GRID2: variants seen among roughly 807,000 people sequenced by gnomAD.
GRID2 encodes glutamate receptor ionotropic, delta-2.
GRID2 carries 33 observed loss-of-function variants against 114.8 expected under a neutral mutation model. The observed-to-expected ratio is 0.29, with a 90% CI of 0.22 to 0.38. The LOEUF (loss-of-function observed/expected upper bound fraction) is 0.38. GRID2 is among the 10% of genes least tolerant of loss of function. The pLI, the probability that GRID2 is intolerant of heterozygous loss-of-function variation, is 1.00. For missense variants in GRID2, 1,184 were observed against 1,257.7 expected, an observed-to-expected ratio of 0.94 and a Z score of 0.89; for synonymous variants, 505 against 449.9, an observed-to-expected ratio of 1.12 and a Z score of -1.55.
intron 8 of GRID2, among the ~76,000 whole-genome samples, chr4:93,302,851 C>A (rs930454908): frequency 1.3e-5 from 2 of 152,118 alleles, no homozygotes; most frequent in African/African-American, 2.4e-5. Flanking sequence ...TTCTGTAGAG[C>A]CTGGGCTTTT....
chr4:93,095,104 AAC>A (rs1169015844), intron 3 of GRID2, among the ~76,000 whole-genome samples: 1 of 152,052 alleles, frequency 6.6e-6, no homozygotes, highest in South Asian at 2.1e-4. Context: ...ATTTTGATAA[AAC>A]ACTAGCAAGA....
At chr4:92,431,421 G>A (rs1431102432) in intron 1 of GRID2, among the ~76,000 whole-genome samples, 1 of 151,976 alleles carries the variant, frequency 6.6e-6, no homozygotes, top group African/African-American at 2.4e-5. Flanking sequence ...TGCAAATGTT[G>A]AATCATCCTT....
intron 1 of GRID2, among the ~76,000 whole-genome samples, chr4:92,433,125 A>G (rs1732547577): frequency 6.6e-6 from 1 of 152,044 alleles, no homozygotes; most frequent in Non-Finnish European, 1.5e-5. Flanking sequence ...CCAAGTTCCA[A>G]GACGAAATCC....
intron 8 of GRID2, among the ~76,000 whole-genome samples, chr4:93,299,650 T>A (rs1327933102): frequency 6.6e-6 from 1 of 151,928 alleles, no homozygotes; most frequent in Non-Finnish European, 1.5e-5. Flanking sequence ...TGTATACATA[T>A]GTAACAAACC....
At chr4:93,502,035 G>T (rs1728163745) in intron 12 of GRID2, among the ~76,000 whole-genome samples, 1 of 151,934 alleles carries the variant, frequency 6.6e-6, no homozygotes, top group Non-Finnish European at 1.5e-5. Flanking sequence ...AAGAACCTAT[G>T]CTTGGAGTAT....
chr4:92,761,539 T>C (rs1015712501), intron 2 of GRID2, among the ~76,000 whole-genome samples: 1 of 152,184 alleles, frequency 6.6e-6, no homozygotes, highest in Non-Finnish European at 1.5e-5. Flanking sequence ...TGACCAAATA[T>C]TTTGTGTCTA....
intron 1 of GRID2, among the ~76,000 whole-genome samples, chr4:92,432,708 A>G (rs941771938): frequency 6.6e-6 from 1 of 152,000 alleles, no homozygotes; most frequent in African/African-American, 2.4e-5. Flanking sequence ...GGAATCAGGA[A>G]CCCCATGAGC....
chr4:92,643,762 A>G (rs1432581986), intron 2 of GRID2, among the ~76,000 whole-genome samples: 3 of 151,690 alleles, frequency 2.0e-5, no homozygotes, highest in Admixed American at 6.6e-5. Flanking sequence ...ACCTGGCCAA[A>G]TTTAAAAAAA....
intron 1 of GRID2, among the ~76,000 whole-genome samples, chr4:92,410,149 C>G (rs1731226244): frequency 6.6e-6 from 1 of 152,192 alleles, no homozygotes; most frequent in African/African-American, 2.4e-5. Context: ...GGACACCCAA[C>G]ATGACTTTCC....
chr4:93,137,966 G>GTTTTTTTTTTTTTTT, intron 4 of GRID2, among the ~76,000 whole-genome samples: 1 of 78,380 alleles, frequency 1.3e-5, no homozygotes, highest in Non-Finnish European at 2.4e-5. Context: ...TTTTTTCTTC[G>GTTTTTTTTTTTTTTT]TTTTTTTTTT....
At chr4:92,986,118 T>A in intron 2 of GRID2, among the ~76,000 whole-genome samples, 1 of 152,182 alleles carries the variant, frequency 6.6e-6, no homozygotes, top group East Asian at 1.9e-4. Flanking sequence ...GAATCTGGTT[T>A]GCATTGATCA....
At chr4:92,907,752 G>A (rs1157223809) in intron 2 of GRID2, among the ~76,000 whole-genome samples, 5 of 152,072 alleles carry the variant, frequency 3.3e-5, no homozygotes, top group Admixed American at 1.3e-4. Context: ...AGCTGGGCAC[G>A]GTGGCTCATA....
At chr4:93,119,145 G>A (rs1489373274) in intron 4 of GRID2, among the ~76,000 whole-genome samples, 2 of 151,958 alleles carry the variant, frequency 1.3e-5, no homozygotes, top group Non-Finnish European at 2.9e-5. Context: ...TACACTTAGT[G>A]CTCCACCTCT....
intron 8 of GRID2, among the ~76,000 whole-genome samples, chr4:93,332,119 G>A (rs539831667): frequency 2.6e-5 from 4 of 152,122 alleles, no homozygotes; most frequent in South Asian, 4.2e-4. Flanking sequence ...CCACTTCAAC[G>A]ATAGTAACTA....
rs372025683 is a variant in GRID2 at position 92,802,826 on chromosome 4, G to A, written c.244+212540G>A. On this transcript the variant is annotated intron_variant, in intron 2 of 15. Transcript: ENST00000282020. ...ATGTTGCTGATTGTGTTATTACCAG[G>A]CCTCTTCATTCCAATGGGAGGAGGT... Among the ~76,000 whole-genome samples, 11 of 152,032 alleles carry A rather than the reference G, an allele frequency of 7.2e-5. No homozygotes were observed. The East Asian group carries it at 7.8e-4, about 11-fold the overall frequency.
At chr4:93,458,374 G>A (rs1560640552) in intron 11 of GRID2, among the ~76,000 whole-genome samples, 1 of 152,174 alleles carries the variant, frequency 6.6e-6, no homozygotes, top group East Asian at 1.9e-4. Flanking sequence ...CCAAAGGCTT[G>A]TTCATTTCAC....
chr4:93,586,810 C>T (rs1737579259), intron 13 of GRID2, among the ~76,000 whole-genome samples: 1 of 152,088 alleles, frequency 6.6e-6, no homozygotes, highest in Non-Finnish European at 1.5e-5. Flanking sequence ...TGCTCAGATG[C>T]TGATCTTCCC....
At chr4:93,347,960 GT>G (rs931695207) in intron 8 of GRID2, among the ~76,000 whole-genome samples, 1 of 152,000 alleles carries the variant, frequency 6.6e-6, no homozygotes, top group Non-Finnish European at 1.5e-5. Context: ...GGTCAGTGAC[GT>G]TTTTGGGGAG....
At chr4:92,436,135 C>T (rs1010966848) in intron 1 of GRID2, among the ~76,000 whole-genome samples, 14 of 152,010 alleles carry the variant, frequency 9.2e-5, no homozygotes, top group African/African-American at 2.2e-4. Flanking sequence ...GAAAGTGTAC[C>T]GCAAAATTAT....
Sources: allele counts gnomAD v4.1 joint callset (sites outside exome capture counted in the v4.1 genomes callset), GRCh38; gene constraint gnomAD v4.1.1; transcripts MANE v1.5; gene names NCBI Gene and HGNC (gene_info 2026-07-23, HGNC 2026-07-21).